Variants in SH3RF3 observed in about 807,000 individuals in gnomAD.
SH3RF3 encodes SH3 domain containing ring finger 3.
In SH3RF3, 29 loss-of-function variants were observed where a neutral mutation model predicts 66.3. That is an observed-to-expected ratio of 0.44 (90% CI 0.33 to 0.60). The LOEUF is 0.60. SH3RF3 is among the 20% of genes least tolerant of loss of function. The pLI, the probability that SH3RF3 is intolerant of heterozygous loss-of-function variation, is 0.04. For synonymous variants in SH3RF3, 583 were observed against 532.0 expected (o/e 1.10, Z -1.32); for missense variants, 1,194 against 1,190.9 (o/e 1.00, Z -0.04).
intron 1 of SH3RF3, among the ~76,000 whole-genome samples, chr2:109,277,233 G>A (rs1375950899): frequency 1.3e-5 from 2 of 152,164 alleles, no homozygotes; most frequent in African/African-American, 4.8e-5. Context: ...CATTTCGGAT[G>A]TGTCACACTT....
intron 1 of SH3RF3, among the ~76,000 whole-genome samples, chr2:109,343,726 T>C (rs1356846721): frequency 6.7e-6 from 1 of 150,016 alleles, no homozygotes; most frequent in Non-Finnish European, 1.5e-5. Flanking sequence ...GCTTCTGCCC[T>C]GCTCCTGCCC....
At chr2:109,354,138 G>A (rs1192868781) in intron 2 of SH3RF3, among the ~76,000 whole-genome samples, 1 of 152,170 alleles carries the variant, frequency 6.6e-6, no homozygotes, top group African/African-American at 2.4e-5. Flanking sequence ...AAAAGGCTGA[G>A]GGAGTTTCTG....
chr2:109,435,039 C>G (rs758794851), intron 6 of SH3RF3, among the ~76,000 whole-genome samples: 2 of 152,140 alleles, frequency 1.3e-5, no homozygotes, highest in Non-Finnish European at 2.9e-5. Flanking sequence ...CTCAAGCCCT[C>G]TTGGTCTGTG....
intron 7 of SH3RF3, 111 bp downstream of exon 7, chr2:109,437,257 G>A (rs1039251313): frequency 7.0e-7 from 1 of 1,425,964 alleles, no homozygotes; most frequent in Non-Finnish European, 9.3e-7. Context: ...GTGGCTGGTG[G>A]CAGCTTCATG....
chr2:109,199,980 G>A (rs1246552561), intron 1 of SH3RF3, among the ~76,000 whole-genome samples: 2 of 151,796 alleles, frequency 1.3e-5, no homozygotes, highest in African/African-American at 4.9e-5. Flanking sequence ...GACAGTTTTG[G>A]TTGTCACAGC....
In SH3RF3 at chr2:109,503,034, C is replaced by T. The variant is rs1280736994; in HGVS notation, c.*1363C>T. The T allele has an allele frequency of 6.6e-6, 1 of 152,160 alleles. No individual in the cohort carries two copies. The highest frequency in any genetic ancestry group is 1.5e-5 in the Non-Finnish European group (1 of 68,040). The allele number at this position is 152,160 out of a possible 1,614,324, so 9.4% of individuals were successfully genotyped here. ...GAGGGCGAGAGAGGAGGAGGTGCAG[C>T]TTTGATGCTGGGACCTCCCTGAGTG... On this transcript the variant is annotated 3_prime_UTR_variant, in exon 10 of 10. Coordinates refer to ENST00000309415, the MANE Select transcript of SH3RF3 (RefSeq NM_001099289.3).
chr2:109,290,128 A>G (rs113776897), intron 1 of SH3RF3, among the ~76,000 whole-genome samples: 2,243 of 152,270 alleles, frequency 0.015, 43 homozygotes, highest in African/African-American at 0.052. Flanking sequence ...ATTACCACAG[A>G]TATAGATGAC....
chr2:109,284,374 G>A lies in SH3RF3; in HGVS notation c.574-63300G>A, dbSNP rs1680969667. Among the ~76,000 whole-genome samples, 3 of 152,222 alleles carry A rather than the reference G, an allele frequency of 2.0e-5. No individual in the cohort carries two copies. In the South Asian group the frequency reaches 6.2e-4, roughly 32 times the overall value. On this transcript the variant is annotated intron_variant, in intron 1 of 9. Transcript: ENST00000309415. Reference sequence around the variant, plus strand: ...CAAAATTATCAGACAAGCTGCAGGAGATGAAATCAATGGAATTTGGCAATT... The same window carrying A: ...CAAAATTATCAGACAAGCTGCAGGAAATGAAATCAATGGAATTTGGCAATT...
intron 9 of SH3RF3, among the ~76,000 whole-genome samples, chr2:109,497,143 C>T (rs1356526100): frequency 6.6e-6 from 1 of 152,196 alleles, no homozygotes; most frequent in Non-Finnish European, 1.5e-5. Flanking sequence ...GATGCCACTA[C>T]ATTTATGGTC....
chr2:109,434,280 T>C (rs1339959292), intron 6 of SH3RF3, among the ~76,000 whole-genome samples: 3 of 152,250 alleles, frequency 2.0e-5, no homozygotes, highest in Non-Finnish European at 4.4e-5. Context: ...CCTACTGTTA[T>C]ATGAGGAGGC....
rs560576365 is a variant in SH3RF3 at position 109,480,542 on chromosome 2, G to A, written c.2149-10063G>A. On this transcript the variant is annotated intron_variant, in intron 8 of 9. Coordinates refer to ENST00000309415, the MANE Select transcript of SH3RF3 (RefSeq NM_001099289.3). ...CAGACTGGCTGAATTAGTGTCTCAG[G>A]GGGCAGCCAACACTTGTCACTCAGG... is the stretch of plus-strand genomic sequence containing the variant. 2.7e-3 allele frequency among the ~76,000 whole-genome samples: 416 copies of A among 152,196 alleles called. 2 individuals are homozygous for A. Among genetic ancestry groups the A allele is most frequent in the African/African-American group, 9.7e-3 (402 of 41,478 alleles).
intron 1 of SH3RF3, among the ~76,000 whole-genome samples, chr2:109,284,929 T>C (rs1276953985): frequency 6.6e-6 from 1 of 151,984 alleles, no homozygotes; most frequent in Non-Finnish European, 1.5e-5. Flanking sequence ...GATGACAGAG[T>C]TTGGGAAACT....
At chr2:109,274,328 T>C (rs999124014) in intron 1 of SH3RF3, among the ~76,000 whole-genome samples, 1 of 152,204 alleles carries the variant, frequency 6.6e-6, no homozygotes, top group African/African-American at 2.4e-5. Context: ...CAAACAAGTA[T>C]ACAAATGTTC....
At chr2:109,349,138 C>T (rs761876354) in intron 2 of SH3RF3, among the ~76,000 whole-genome samples, 1 of 145,220 alleles carries the variant, frequency 6.9e-6, no homozygotes, top group East Asian at 2.1e-4. Flanking sequence ...GGCCATTGCT[C>T]TCTCCCCCAT....
At chr2:109,383,225 G>A (rs1675742048) in intron 3 of SH3RF3, among the ~76,000 whole-genome samples, 1 of 152,210 alleles carries the variant, frequency 6.6e-6, no homozygotes, top group South Asian at 2.1e-4. Context: ...GCACTTCTTG[G>A]CTGAGGTCCA....
At chr2:109,471,448 A>G (rs1395860276) in intron 8 of SH3RF3, among the ~76,000 whole-genome samples, 2 of 152,176 alleles carry the variant, frequency 1.3e-5, no homozygotes, top group African/African-American at 4.8e-5. Context: ...CACTATCACA[A>G]GAACAGCATG....
chr2:109,227,834 A>G (rs751216417), intron 1 of SH3RF3, among the ~76,000 whole-genome samples: 1 of 152,170 alleles, frequency 6.6e-6, no homozygotes, highest in East Asian at 1.9e-4. Context: ...CACTCTGGCA[A>G]TCTCCCTTGG....
intron 7 of SH3RF3, among the ~76,000 whole-genome samples, chr2:109,446,736 G>A (rs1677714832): frequency 6.7e-6 from 1 of 150,322 alleles, no homozygotes; most frequent in South Asian, 2.1e-4. Flanking sequence ...AGTATTAGGA[G>A]GTGAGGTTGG....
intron 1 of SH3RF3, among the ~76,000 whole-genome samples, chr2:109,341,728 C>G (rs550152795): frequency 8.5e-5 from 13 of 152,278 alleles, no homozygotes; most frequent in African/African-American, 2.2e-4. Context: ...CTGTGTCTAC[C>G]ATGCAGCCCG....
Sources: gnomAD v4.1 joint callset for allele counts (sites outside exome capture counted in the v4.1 genomes callset) on GRCh38, gnomAD v4.1.1 for gene constraint, MANE v1.5 for transcripts, NCBI Gene and HGNC (gene_info 2026-07-23, HGNC 2026-07-21) for gene names.